HORMAD2: variants seen among roughly 807,000 people sequenced by gnomAD.
HORMAD2 encodes HORMA domain containing 2, also known as HORMA domain-containing protein 2.
HORMAD2 carries 45 observed loss-of-function variants against 38.8 expected under a neutral mutation model. The ratio of observed to expected loss-of-function variants is 1.16; its 90% CI spans 0.91 to 1.49. HORMAD2 has a LOEUF of 1.49. Among genes scored for constraint, HORMAD2 ranks in the 40% most tolerant of loss-of-function variants. The probability of loss-of-function intolerance (pLI) is 0.00; values close to 1 mark genes in which losing one functional copy is unlikely to be tolerated. For synonymous variants in HORMAD2, 126 were observed against 122.8 expected (o/e 1.03, Z -0.17); for missense variants, 338 against 367.0 (o/e 0.92, Z 0.65).
chr22:30,163,215 T>C (rs946001906), intron 10 of HORMAD2, among the ~76,000 whole-genome samples: 1 of 152,126 alleles, frequency 6.6e-6, no homozygotes, highest in Non-Finnish European at 1.5e-5. Context: ...TTTTACTTTT[T>C]CTTAGGAACA....
chr22:30,143,936 C>G (rs1048059851), intron 10 of HORMAD2, among the ~76,000 whole-genome samples: 1 of 152,190 alleles, frequency 6.6e-6, no homozygotes, highest in South Asian at 2.1e-4. Context: ...CCTGCTCCCC[C>G]TTTGCCTTCT....
intron 10 of HORMAD2, among the ~76,000 whole-genome samples, chr22:30,145,527 G>A (rs1924360778): frequency 1.3e-5 from 2 of 152,120 alleles, no homozygotes; most frequent in South Asian, 2.1e-4. Flanking sequence ...ATAGACCCTA[G>A]AGCTGAAAAA....
chr22:30,136,731 T>C (rs1182306094), intron 10 of HORMAD2: 1 of 167,346 alleles, frequency 6.0e-6, no homozygotes, highest in Non-Finnish European at 1.3e-5. Flanking sequence ...TTTAGCACCT[T>C]TCTCATCCTT....
upstream of HORMAD2, among the ~76,000 whole-genome samples, chr22:30,079,283 C>A (rs1276815093): frequency 6.6e-6 from 1 of 152,110 alleles, no homozygotes; most frequent in Non-Finnish European, 1.5e-5. Context: ...GAGAAACGAT[C>A]CAAGGAGCCA....
At chr22:30,103,684 A>G (rs1227449778) in intron 4 of HORMAD2, among the ~76,000 whole-genome samples, 184 bp downstream of exon 4, 1 of 37,124 alleles carries the variant, frequency 2.7e-5, no homozygotes, top group Non-Finnish European at 4.1e-5. Flanking sequence ...TTTTTTTGAG[A>G]TGGAGTCTCG....
chr22:30,104,392 T>C lies in HORMAD2; in HGVS notation c.258-9T>C. ...GTCCAATTGACATCAAACATTTATT[T>C]CTTGACAGGATTCAAGGTTGTTTTG... On this transcript the variant is annotated splice_polypyrimidine_tract_variant and intron_variant, in intron 4 of 10. Coordinates refer to ENST00000336726, the MANE Select transcript of HORMAD2 (RefSeq NM_152510.4). 5 of 1,609,210 alleles carry C rather than the reference T, an allele frequency of 3.1e-6. No individual in the cohort carries two copies. The highest frequency in any genetic ancestry group is 4.2e-6 in the Non-Finnish European group (5 of 1,177,636).
intron 10 of HORMAD2, among the ~76,000 whole-genome samples, chr22:30,172,392 A>G (rs1926163510): frequency 6.6e-6 from 1 of 152,202 alleles, no homozygotes; most frequent in African/African-American, 2.4e-5. Context: ...TTATACTGTA[A>G]TTGTGTACTT....
downstream of HORMAD2, among the ~76,000 whole-genome samples, chr22:30,177,585 A>G (rs1008629651): frequency 2.0e-5 from 3 of 152,186 alleles, no homozygotes; most frequent in African/African-American, 7.2e-5. Flanking sequence ...CTGAGTCACT[A>G]TAATTTCTTT....
intron 10 of HORMAD2, chr22:30,137,030 T>C: frequency 2.4e-6 from 1 of 410,272 alleles, no homozygotes; most frequent in Non-Finnish European, 4.5e-6. Flanking sequence ...AATTGTTGCA[T>C]TTTTTAGTAA....
chr22:30,093,417 G>A (rs985018724), intron 1 of HORMAD2, among the ~76,000 whole-genome samples: 1 of 152,058 alleles, frequency 6.6e-6, no homozygotes, highest in African/African-American at 2.4e-5. Flanking sequence ...CACTCTGAGG[G>A]AATAACAAGG....
chr22:30,195,892 C>T, the HORMAD2 span, among the ~76,000 whole-genome samples: 6,151 of 152,224 alleles, frequency 0.04, 355 homozygotes, highest in South Asian at 0.23. Context: ...AACTCATGGC[C>T]GAAGGGGGTG....
chr22:30,128,996 C>T (rs1923071673), intron 10 of HORMAD2, among the ~76,000 whole-genome samples: 1 of 152,026 alleles, frequency 6.6e-6, no homozygotes, highest in Non-Finnish European at 1.5e-5. Flanking sequence ...AGGTGGATCA[C>T]AAGGTCAGGA....
chr22:30,139,654 C>T (rs1239573319), intron 10 of HORMAD2, among the ~76,000 whole-genome samples: 2 of 151,856 alleles, frequency 1.3e-5, no homozygotes, highest in Non-Finnish European at 2.9e-5. Flanking sequence ...AGTGAAGAGA[C>T]GTCCTTGTCT....
chr22:30,103,649 ATTTTTTTTTTT>A (rs71198524), intron 4 of HORMAD2, 149 bp downstream of exon 4: 116 of 75,308 alleles, frequency 1.5e-3, no homozygotes, highest in South Asian at 0.01. Flanking sequence ...TCTGTTTTTG[ATTTTTTTTTTT>A]TTTTTTTTTT....
Position 30,176,271 on chromosome 22 carries a change from T to C in HORMAD2, c.*104T>C. 2 of 820,726 alleles carry C rather than the reference T, an allele frequency of 2.4e-6. No homozygotes were observed. Among genetic ancestry groups the C allele is most frequent in the South Asian group, 3.7e-5 (2 of 54,420 alleles). 50.8% of individuals were successfully genotyped at this position (820,726 alleles called of 1,614,324 possible). On this transcript the variant is annotated 3_prime_UTR_variant, in exon 11 of 11. Transcript: ENST00000336726. ...GTACATTCCTGTTACCAAAACCTTT[T>C]TCTAAATTTTTTGCTCAATTTTTTT...
intron 10 of HORMAD2, among the ~76,000 whole-genome samples, chr22:30,145,019 A>G (rs1439592381): frequency 6.6e-6 from 1 of 152,188 alleles, no homozygotes; most frequent in African/African-American, 2.4e-5. Flanking sequence ...AGGGTGGAGG[A>G]AATGGTCTTG....
chr22:30,186,087 CACTTTAAAATGA>C, the HORMAD2 span, among the ~76,000 whole-genome samples: 2 of 152,012 alleles, frequency 1.3e-5, no homozygotes, highest in African/African-American at 2.4e-5. Context: ...TTAACTAAAT[CACTTTAAAATGA>C]CTTCCTGCTG....
At chr22:30,194,029 C>G in the HORMAD2 span, among the ~76,000 whole-genome samples, 1 of 152,128 alleles carries the variant, frequency 6.6e-6, no homozygotes, top group African/African-American at 2.4e-5. Flanking sequence ...AGAATACAGC[C>G]CCTTGCCTGC....
Position 30,156,677 on chromosome 22 carries a change from A to G in HORMAD2, c.820-19386A>G, listed in dbSNP as rs1207824414. ...AGTCACAATAACATTACTGTCATTC[A>G]GTCATACCACAAGATTTTGCAAGGC... On this transcript the variant is annotated intron_variant, in intron 10 of 10. Transcript: ENST00000336726. Among the ~76,000 whole-genome samples, 3 of 152,232 alleles carry G rather than the reference A, an allele frequency of 2.0e-5. No individual in the cohort carries two copies. The East Asian group carries it at 5.8e-4, about 29-fold the overall frequency.
Sources: allele counts gnomAD v4.1 joint callset (sites outside exome capture counted in the v4.1 genomes callset), GRCh38; gene constraint gnomAD v4.1.1; transcripts MANE v1.5; gene names NCBI Gene and HGNC (gene_info 2026-07-23, HGNC 2026-07-21).